CAMTA1: variants seen among roughly 807,000 people sequenced by gnomAD.
CAMTA1 encodes the protein calmodulin-binding transcription activator 1.
Under a neutral mutation model 170.9 loss-of-function variants are expected in CAMTA1, and 27 were observed. That is an observed-to-expected ratio of 0.16 (90% CI 0.12 to 0.22). The LOEUF (loss-of-function observed/expected upper bound fraction) is 0.22, where lower values mean the gene tolerates loss of function less well. Among genes scored for constraint, CAMTA1 ranks in the 10% least tolerant of loss-of-function variants. The pLI, the probability that CAMTA1 is intolerant of heterozygous loss-of-function variation, is 1.00. For synonymous variants in CAMTA1, 833 were observed against 891.5 expected, an observed-to-expected ratio of 0.93 and a Z score of 1.17; for missense variants, 1,619 against 2,217.2, an observed-to-expected ratio of 0.73 and a Z score of 5.42.
At chr1:6,935,146 C>T (rs907773166) in intron 3 of CAMTA1, among the ~76,000 whole-genome samples, 1 of 152,128 alleles carries the variant, frequency 6.6e-6, no homozygotes, top group African/African-American at 2.4e-5. Context: ...TCTCTCACGG[C>T]GCTGGTTATC....
At chr1:7,533,351 A>G (rs913812082) in intron 6 of CAMTA1, among the ~76,000 whole-genome samples, 2 of 152,228 alleles carry the variant, frequency 1.3e-5, no homozygotes, top group Non-Finnish European at 2.9e-5. Context: ...CCTGCCCTCA[A>G]ACTAAGGAAT....
chr1:7,421,438 G>A (rs1427475245), intron 5 of CAMTA1, among the ~76,000 whole-genome samples: 3 of 152,232 alleles, frequency 2.0e-5, no homozygotes, highest in Non-Finnish European at 4.4e-5. Context: ...ATAGGTGTGA[G>A]CCACTATGCC....
intron 3 of CAMTA1, among the ~76,000 whole-genome samples, chr1:6,963,371 CCACCCCT>C (rs1690911448): frequency 6.6e-6 from 1 of 150,378 alleles, no homozygotes; most frequent in Non-Finnish European, 1.5e-5. Flanking sequence ...CCCTCTGGAG[CCACCCCT>C]CTTTCCAATC....
chr1:7,390,716 GAA>G (rs2088598528), intron 5 of CAMTA1, among the ~76,000 whole-genome samples: 1 of 152,354 alleles, frequency 6.6e-6, no homozygotes, highest in African/African-American at 2.4e-5. Flanking sequence ...ACTCTGCAAA[GAA>G]AAAGAGCACC....
At chr1:6,980,419 G>A (rs570658249) in intron 3 of CAMTA1, among the ~76,000 whole-genome samples, 1 of 152,278 alleles carries the variant, frequency 6.6e-6, no homozygotes, top group African/African-American at 2.4e-5. Flanking sequence ...GGAGTCACGA[G>A]CCCGTGGAGT....
At chr1:7,703,899 G>C (rs1380152430) in intron 11 of CAMTA1, among the ~76,000 whole-genome samples, 2 of 152,106 alleles carry the variant, frequency 1.3e-5, no homozygotes, top group Non-Finnish European at 2.9e-5. Context: ...AAGTCCCCAA[G>C]TGCGCAGGGC....
At chr1:7,226,122 T>G (rs1661653455) in intron 4 of CAMTA1, among the ~76,000 whole-genome samples, 2 of 152,298 alleles carry the variant, frequency 1.3e-5, no homozygotes, top group African/African-American at 4.8e-5. Flanking sequence ...CTCTGCTCAA[T>G]GAGAACTTTC....
chr1:7,678,477 G>A (rs904860442), intron 11 of CAMTA1, among the ~76,000 whole-genome samples: 20 of 152,212 alleles, frequency 1.3e-4, no homozygotes, highest in African/African-American at 4.8e-4. Context: ...GGCCATGGGG[G>A]TCGGTGAGTG....
chr1:7,664,981 G>T lies in CAMTA1; in HGVS notation c.2434G>T (p.Ala812Ser). ...CTCACAGTCAGAGGACGGGGCGCGG[G>T]CCCCCTTCACCCAGGCAGAGATGTG... The part of the protein sequence containing the change: ...ALSQSEDGAR[A>S]PFTQAEMCLP... The change falls in exon 9 of 23, where the codon GCC becomes TCC. Residue 812 changes from alanine to serine, a missense_variant. Coordinates refer to ENST00000303635, the MANE Select transcript of CAMTA1 (RefSeq NM_015215.4). 4 of 1,610,042 alleles carry T rather than the reference G, an allele frequency of 2.5e-6. No individual in the cohort carries two copies. Among genetic ancestry groups the T allele is most frequent in the Non-Finnish European group, 3.4e-6 (4 of 1,178,306 alleles).
At chr1:7,391,234 TG>T (rs1231861552) in intron 5 of CAMTA1, among the ~76,000 whole-genome samples, 1 of 152,070 alleles carries the variant, frequency 6.6e-6, no homozygotes, top group African/African-American at 2.4e-5. Context: ...TGACCTCAGG[TG>T]ATCTGCCCAC....
At chr1:7,272,085 T>G (rs1669889942) in intron 5 of CAMTA1, among the ~76,000 whole-genome samples, 1 of 152,108 alleles carries the variant, frequency 6.6e-6, no homozygotes, top group South Asian at 2.1e-4. Context: ...CAATTATATC[T>G]ATATACATGA....
intron 4 of CAMTA1, among the ~76,000 whole-genome samples, chr1:7,231,843 G>C (rs1251093892): frequency 2.0e-5 from 3 of 152,204 alleles, no homozygotes; most frequent in African/African-American, 7.2e-5. Flanking sequence ...GAACAGGATT[G>C]TGCAGGTTAA....
chr1:7,476,047 C>T (rs2093415175), intron 6 of CAMTA1, among the ~76,000 whole-genome samples: 1 of 152,242 alleles, frequency 6.6e-6, no homozygotes, highest in African/African-American at 2.4e-5. Context: ...ACATAAACCC[C>T]AAGTTTCCCC....
chr1:7,446,855 C>T (rs1458607685), intron 5 of CAMTA1, among the ~76,000 whole-genome samples: 4 of 152,174 alleles, frequency 2.6e-5, no homozygotes, highest in Admixed American at 6.5e-5. Flanking sequence ...ATTCACAGCC[C>T]GGTTGTTCCT....
At chr1:7,555,395 C>T (rs534118094) in intron 6 of CAMTA1, among the ~76,000 whole-genome samples, 186 of 152,226 alleles carry the variant, frequency 1.2e-3, no homozygotes, top group African/African-American at 4.2e-3. Flanking sequence ...ATGCTCCCTC[C>T]ATGGGTCCTG....
chr1:6,919,687 T>C (rs1016707762), intron 3 of CAMTA1, among the ~76,000 whole-genome samples: 4 of 152,178 alleles, frequency 2.6e-5, no homozygotes, highest in Non-Finnish European at 4.4e-5. Context: ...AGAGGTTTAA[T>C]TGGACTCACA....
At chr1:7,737,658 G>C in intron 15 of CAMTA1, 88 bp downstream of exon 15, 2 of 1,247,036 alleles carry the variant, frequency 1.6e-6, no homozygotes, top group South Asian at 3.1e-5. Flanking sequence ...CCATAGGATA[G>C]TCACATACAT....
chr1:7,551,368 G>A (rs1279168618), intron 6 of CAMTA1, among the ~76,000 whole-genome samples: 1 of 149,632 alleles, frequency 6.7e-6, no homozygotes, highest in Non-Finnish European at 1.5e-5. Context: ...ATGTGCATGT[G>A]TGTGCACACA....
At chr1:6,943,226 ACCGTCCTCACCTGGCGT>A (rs1032825274) in intron 3 of CAMTA1, among the ~76,000 whole-genome samples, 2 of 150,222 alleles carry the variant, frequency 1.3e-5, no homozygotes, top group Non-Finnish European at 3.0e-5. Context: ...CTCCTCCCTG[ACCGTCCTCACCTGGCGT>A]CCAGGACACC....
Sources: allele counts gnomAD v4.1 joint callset (sites outside exome capture counted in the v4.1 genomes callset), GRCh38; gene constraint gnomAD v4.1.1; transcripts MANE v1.5; gene names NCBI Gene and HGNC (gene_info 2026-07-23, HGNC 2026-07-21).